CSMD1: variants seen among roughly 807,000 people sequenced by gnomAD.
The protein encoded by CSMD1 is CUB and Sushi multiple domains 1.
Under a neutral mutation model 417.5 loss-of-function variants are expected in CSMD1, and 213 were observed. That is an observed-to-expected ratio of 0.51 (90% CI 0.46 to 0.57). The LOEUF (loss-of-function observed/expected upper bound fraction) is 0.57, where lower values mean the gene tolerates loss of function less well. CSMD1 is among the 20% of genes least tolerant of loss of function. CSMD1 has a pLI of 0.00. For synonymous variants in CSMD1, 2,862 were observed against 1,736.8 expected, an observed-to-expected ratio of 1.65 and a Z score of -16.11; for missense variants, 6,923 against 4,529.7, an observed-to-expected ratio of 1.53 and a Z score of -15.17.
intron 21 of CSMD1, among the ~76,000 whole-genome samples, chr8:3,356,397 C>A (rs1484881088): frequency 6.6e-6 from 1 of 152,200 alleles, no homozygotes; most frequent in African/African-American, 2.4e-5. Flanking sequence ...CAACTTGAGG[C>A]CGGGCACTGT....
chr8:3,468,163 A>G (rs1400133208), intron 12 of CSMD1, among the ~76,000 whole-genome samples: 2 of 152,232 alleles, frequency 1.3e-5, no homozygotes, highest in Non-Finnish European at 2.9e-5. Context: ...GACAATAATT[A>G]ATGGGATCTT....
intron 10 of CSMD1, among the ~76,000 whole-genome samples, chr8:3,527,584 C>T (rs926605232): frequency 6.6e-6 from 1 of 151,782 alleles, no homozygotes; most frequent in Non-Finnish European, 1.5e-5. Flanking sequence ...GCACAGAACT[C>T]TATACACACA....
chr8:4,208,353 A>G (rs1003744753), intron 3 of CSMD1, among the ~76,000 whole-genome samples: 1 of 152,186 alleles, frequency 6.6e-6, no homozygotes, highest in African/African-American at 2.4e-5. Flanking sequence ...TCCTTCCTGG[A>G]GTAAGAGGGA....
chr8:4,751,206 G>A (rs373812058), intron 1 of CSMD1, among the ~76,000 whole-genome samples: 25 of 152,166 alleles, frequency 1.6e-4, no homozygotes, highest in African/African-American at 5.6e-4. Flanking sequence ...CCAACATGGC[G>A]AAGACCCATC....
chr8:3,541,631 C>T (rs905201292), intron 10 of CSMD1, among the ~76,000 whole-genome samples: 11 of 149,588 alleles, frequency 7.4e-5, no homozygotes, highest in African/African-American at 1.5e-4. Flanking sequence ...TACAGGTAGA[C>T]GTTCTTCACT....
At chr8:4,337,300 T>C (rs1463547114) in intron 3 of CSMD1, among the ~76,000 whole-genome samples, 1 of 152,106 alleles carries the variant, frequency 6.6e-6, no homozygotes, top group African/African-American at 2.4e-5. Flanking sequence ...CATTTTTCTC[T>C]GCCATGAAGA....
chr8:4,093,669 G>A (rs189182718), intron 3 of CSMD1, among the ~76,000 whole-genome samples: 2 of 152,248 alleles, frequency 1.3e-5, no homozygotes, highest in East Asian at 3.9e-4. Flanking sequence ...AAAAAGGAAA[G>A]CAACAGAACG....
chr8:3,201,938 A>ATT (rs1563137878), intron 31 of CSMD1, among the ~76,000 whole-genome samples: 1 of 152,360 alleles, frequency 6.6e-6, no homozygotes, highest in African/African-American at 2.4e-5. Context: ...ATTTAATAAA[A>ATT]GAAAAAATAC....
intron 1 of CSMD1, among the ~76,000 whole-genome samples, 195 bp downstream of exon 1, chr8:4,994,137 G>A (rs917535831): frequency 6.6e-6 from 1 of 152,158 alleles, no homozygotes; most frequent in African/African-American, 2.4e-5. Context: ...GGTGGGGCGG[G>A]GGCCCAGGAG....
intron 4 of CSMD1, among the ~76,000 whole-genome samples, chr8:4,012,696 C>T (rs150400547): frequency 5.3e-5 from 8 of 152,274 alleles, no homozygotes; most frequent in Middle Eastern, 3.4e-3. Context: ...CTCCCTATTT[C>T]AACTCCATAG....
At chr8:4,134,306 G>C (rs189141725) in intron 3 of CSMD1, among the ~76,000 whole-genome samples, 1 of 152,190 alleles carries the variant, frequency 6.6e-6, no homozygotes, top group East Asian at 1.9e-4. Flanking sequence ...CTTTAGGTTG[G>C]TGATTAAGCT....
intron 1 of CSMD1, among the ~76,000 whole-genome samples, chr8:4,851,422 C>G (rs749239494): frequency 2.0e-5 from 3 of 151,858 alleles, no homozygotes; most frequent in Non-Finnish European, 4.4e-5. Context: ...GCTGCATCTT[C>G]TTCGTCAATT....
chr8:4,090,724 T>G (rs1800673054), intron 3 of CSMD1, among the ~76,000 whole-genome samples: 1 of 152,216 alleles, frequency 6.6e-6, no homozygotes, highest in African/African-American at 2.4e-5. Flanking sequence ...AAATCAATTT[T>G]ACTTAAACAT....
intron 1 of CSMD1, among the ~76,000 whole-genome samples, chr8:4,662,158 A>C (rs1804647393): frequency 1.3e-5 from 2 of 152,198 alleles, no homozygotes; most frequent in Admixed American, 6.5e-5. Context: ...TTCAAAGGAA[A>C]TGAAAACCCC....
At chr8:4,125,247 A>T (rs1438597146) in intron 3 of CSMD1, among the ~76,000 whole-genome samples, 1 of 152,204 alleles carries the variant, frequency 6.6e-6, no homozygotes, top group Non-Finnish European at 1.5e-5. Context: ...CCTGCCTCCC[A>T]TTCTATTCGA....
chr8:4,360,598 T>C (rs1388674516), intron 3 of CSMD1, among the ~76,000 whole-genome samples: 2 of 152,076 alleles, frequency 1.3e-5, no homozygotes, highest in Non-Finnish European at 2.9e-5. Flanking sequence ...CACGTCATTC[T>C]CCTGCCTCAG....
At chr8:4,462,737 A>G (rs907421124) in intron 2 of CSMD1, among the ~76,000 whole-genome samples, 2 of 152,204 alleles carry the variant, frequency 1.3e-5, no homozygotes, top group Non-Finnish European at 2.9e-5. Context: ...ATCAAGAAAA[A>G]AATAGTTTTT....
At chr8:3,275,844 T>A (rs578170721) in intron 26 of CSMD1, among the ~76,000 whole-genome samples, 41,248 of 151,266 alleles carry the variant, frequency 0.27, 5,819 homozygotes, top group African/African-American at 0.34. Context: ...ACTTTTTTCA[T>A]AGTTTTCAAC....
At chr8:4,653,684 C>A (rs989521288) in intron 1 of CSMD1, among the ~76,000 whole-genome samples, 11 of 151,932 alleles carry the variant, frequency 7.2e-5, no homozygotes, top group African/African-American at 2.4e-4. Flanking sequence ...TTGCCCCAGG[C>A]TGAAAATAAG....
Sources: allele counts gnomAD v4.1 joint callset (sites outside exome capture counted in the v4.1 genomes callset), GRCh38; gene constraint gnomAD v4.1.1; transcripts MANE v1.5; gene names NCBI Gene and HGNC (gene_info 2026-07-23, HGNC 2026-07-21).